The following HHIP variants were observed in gnomAD, a reference collection of about 807,000 sequenced individuals.
The protein encoded by HHIP is hedgehog interacting protein, also known as hedgehog-interacting protein.
A neutral mutation model predicts 74.0 loss-of-function variants in HHIP; 12 were observed. The ratio of observed to expected loss-of-function variants is 0.16; its 90% CI spans 0.10 to 0.26. HHIP has a LOEUF of 0.26. Among genes scored for constraint, HHIP ranks in the 10% least tolerant of loss-of-function variants. HHIP has a pLI of 1.00. For synonymous variants in HHIP, 309 were observed against 311.6 expected (o/e 0.99, Z 0.09); for missense variants, 788 against 845.0 (o/e 0.93, Z 0.84).
At chr4:144,665,153 T>C (rs903450760) in intron 4 of HHIP, among the ~76,000 whole-genome samples, 1 of 152,154 alleles carries the variant, frequency 6.6e-6, no homozygotes, top group Non-Finnish European at 1.5e-5. Context: ...CAGCTCACTG[T>C]AACCTCCTGG....
At chr4:144,719,818 T>TA (rs1177697173) in intron 11 of HHIP, among the ~76,000 whole-genome samples, 1 of 152,246 alleles carries the variant, frequency 6.6e-6, no homozygotes, top group African/African-American at 2.4e-5. Context: ...CCTTCTATAC[T>TA]ATTTTCATGA....
chr4:144,670,799 A>AAGTGCTAGTCT (rs1305964588), intron 4 of HHIP, among the ~76,000 whole-genome samples: 1 of 148,076 alleles, frequency 6.8e-6, no homozygotes, highest in African/African-American at 2.5e-5. Flanking sequence ...GAAAGAAAGA[A>AAGTGCTAGTCT]AGTGCTAGTC....
intron 8 of HHIP, among the ~76,000 whole-genome samples, chr4:144,713,222 G>T (rs1443716540): frequency 1.3e-5 from 2 of 152,066 alleles, no homozygotes; most frequent in African/African-American, 4.8e-5. Flanking sequence ...AGGAAACTGA[G>T]GCACAGAAAG....
At chr4:144,683,700 T>C (rs1288321020) in intron 4 of HHIP, among the ~76,000 whole-genome samples, 1 of 152,174 alleles carries the variant, frequency 6.6e-6, no homozygotes, top group East Asian at 1.9e-4. Flanking sequence ...TAAAGTTTTA[T>C]GGGAACACAA....
At chr4:144,717,644 C>T (rs1470194491) in intron 10 of HHIP, among the ~76,000 whole-genome samples, 1 of 152,034 alleles carries the variant, frequency 6.6e-6, no homozygotes, top group East Asian at 1.9e-4. Context: ...TGGTTTTCTC[C>T]TAAAAGAGTA....
chr4:144,727,329 T>C (rs1157078502), intron 11 of HHIP, among the ~76,000 whole-genome samples: 11 of 152,136 alleles, frequency 7.2e-5, no homozygotes, highest in Non-Finnish European at 1.5e-4. Flanking sequence ...CTTATTTAAA[T>C]CTCACTTCTT....
chr4:144,680,042 TA>T (rs1729292653), intron 4 of HHIP, among the ~76,000 whole-genome samples: 1 of 152,192 alleles, frequency 6.6e-6, no homozygotes, highest in Admixed American at 6.5e-5. Flanking sequence ...TTGTTATATT[TA>T]AACATGTTCG....
intron 4 of HHIP, among the ~76,000 whole-genome samples, chr4:144,700,966 G>C (rs1729964840): frequency 6.6e-6 from 1 of 152,164 alleles, no homozygotes; most frequent in South Asian, 2.1e-4. Flanking sequence ...AGAAAGCATA[G>C]ATTTGCATGA....
chr4:144,647,105 G>T (rs1368306227), intron 1 of HHIP, 151 bp downstream of exon 1: 1 of 634,146 alleles, frequency 1.6e-6, no homozygotes, highest in African/African-American at 1.8e-5. Context: ...ACGTGATTCC[G>T]TTGTGTGTTC....
At position 144,673,358 on chromosome 4, in the gene HHIP, C is replaced by T. The variant is rs149182431; in HGVS notation, c.831+13520C>T. 3.8e-3 allele frequency among the ~76,000 whole-genome samples: 578 copies of T among 152,216 alleles called. 5 individuals are homozygous for T. Among genetic ancestry groups the T allele is most frequent in the African/African-American group, 0.013 (544 of 41,528 alleles). Reference sequence around the variant, plus strand: ...CAAATTTTGAAACTCAGTACATTAGCAACATAGGATATTTCATGGGTTCTG... The same window carrying T: ...CAAATTTTGAAACTCAGTACATTAGTAACATAGGATATTTCATGGGTTCTG... On this transcript the variant is annotated intron_variant, in intron 4 of 12. Transcript: ENST00000296575.
intron 2 of HHIP, among the ~76,000 whole-genome samples, chr4:144,656,741 A>G (rs1181721908): frequency 2.0e-5 from 3 of 152,154 alleles, no homozygotes; most frequent in Non-Finnish European, 4.4e-5. Flanking sequence ...CTGATGGTAA[A>G]TATTTCCAAA....
Position 144,732,629 on chromosome 4 carries a change from G to A in HHIP, c.1761-2112G>A, listed in dbSNP as rs147876194. ...CCATGAATCAGTGTTCCTATACTTTGCCTCGAACAGGCAATATCTTCTAGT... is the reference window on the plus strand; with the variant it reads ...CCATGAATCAGTGTTCCTATACTTTACCTCGAACAGGCAATATCTTCTAGT... On this transcript the variant is annotated intron_variant, in intron 11 of 12. Transcript: ENST00000296575. 2.2e-3 allele frequency among the ~76,000 whole-genome samples: 335 copies of A among 152,188 alleles called. 3 individuals carry two copies. Among genetic ancestry groups the A allele is most frequent in the African/African-American group, 7.7e-3 (319 of 41,516 alleles).
In HHIP at chr4:144,718,924, T is replaced by C. The variant is rs368724167; in HGVS notation, c.1728T>C (p.Asn576=). 2 of 1,609,060 alleles carry C rather than the reference T, an allele frequency of 1.2e-6. No individual in the cohort carries two copies. ...SSSKSMTQTH[N]GKLYKIVDPK... ...GTAAAAGTATGACCCAGACTCACAA[T>C]GGAAAACTCTACAAAATTGTAGATC... Residue 576 remains asparagine (N), a synonymous_variant, in exon 11 of 13, where the codon AAT becomes AAC. Transcript: ENST00000296575.
chr4:144,712,333 G>A (rs1381726596), intron 8 of HHIP, among the ~76,000 whole-genome samples: 3 of 152,060 alleles, frequency 2.0e-5, no homozygotes, highest in Non-Finnish European at 4.4e-5. Flanking sequence ...TCAAAAGTTA[G>A]CAGCTTATAT....
At chr4:144,692,608 T>C (rs971368268) in intron 4 of HHIP, among the ~76,000 whole-genome samples, 3 of 152,174 alleles carry the variant, frequency 2.0e-5, no homozygotes, top group African/African-American at 7.2e-5. Flanking sequence ...TTCTTTCCCG[T>C]AACACCCTAT....
At chr4:144,707,619 G>A (rs1730181377) in intron 6 of HHIP, among the ~76,000 whole-genome samples, 1 of 35,172 alleles carries the variant, frequency 2.8e-5, no homozygotes, top group Admixed American at 4.8e-4. Context: ...CATAGGTTTA[G>A]GCTGACAAAA....
In HHIP at chr4:144,742,001, C is replaced by G. The variant is rs1351041583; in HGVS notation, c.*4044C>G. The G allele has an allele frequency of 6.6e-6, 1 of 151,682 alleles. No homozygotes were observed. Among genetic ancestry groups the G allele is most frequent in the Admixed American group, 6.6e-5 (1 of 15,174 alleles). The allele number at this position is 151,682 out of a possible 1,614,324, so 9.4% of individuals were successfully genotyped here. On this transcript the variant is annotated 3_prime_UTR_variant, in exon 13 of 13. Coordinates refer to ENST00000296575, the MANE Select transcript of HHIP (RefSeq NM_022475.3). ...TCCCTCCTTCTCTCTCTCTCTCCCC[C>G]TCTCGCTCTCTCGGCTAATATATAT...
At chr4:144,723,184 A>G (rs1175820335) in intron 11 of HHIP, among the ~76,000 whole-genome samples, 2 of 152,154 alleles carry the variant, frequency 1.3e-5, no homozygotes, top group South Asian at 4.1e-4. Flanking sequence ...ATATTTTAAC[A>G]TATCATTTAT....
chr4:144,737,888 G>A lies in HHIP; in HGVS notation c.2034G>A (p.Arg678=), dbSNP rs1731161701. 6.2e-7 allele frequency: 1 copy of A among 1,613,284 alleles called. No individual in the cohort carries two copies. Among genetic ancestry groups the A allele is most frequent in the Non-Finnish European group, 8.5e-7 (1 of 1,179,622 alleles). ...QVDRNIRRVT[R]AGILDQIIDM... ...ACAGAAACATCCGCAGAGTGACCAG[G>A]GCAGGTATTCTTGATCAGATCATTG... The change falls in exon 13 of 13, where the codon AGG becomes AGA. Residue 678 remains arginine (R), a synonymous_variant. Coordinates refer to ENST00000296575, the MANE Select transcript of HHIP (RefSeq NM_022475.3).
Sources: gnomAD v4.1 joint callset for allele counts (sites outside exome capture counted in the v4.1 genomes callset) on GRCh38, gnomAD v4.1.1 for gene constraint, MANE v1.5 for transcripts, NCBI Gene and HGNC (gene_info 2026-07-23, HGNC 2026-07-21) for gene names.